Variants in RALGAPA2 observed in about 807,000 individuals in gnomAD.
The protein encoded by RALGAPA2 is Ral GTPase activating protein catalytic subunit alpha 2, also known as ral GTPase-activating protein subunit alpha-2.
RALGAPA2 carries 139 observed loss-of-function variants against 230.4 expected under a neutral mutation model. The observed-to-expected ratio is 0.60, with a 90% confidence interval of 0.53 to 0.69. The LOEUF is 0.69. RALGAPA2 is among the 30% of genes least tolerant of loss of function. The pLI, the probability that RALGAPA2 is intolerant of heterozygous loss-of-function variation, is 0.00. For synonymous variants in RALGAPA2, 847 were observed against 837.8 expected (o/e 1.01, Z -0.19); for missense variants, 2,163 against 2,276.0 (o/e 0.95, Z 1.01).
intron 1 of RALGAPA2, among the ~76,000 whole-genome samples, chr20:20,701,465 G>A (rs1017758932): frequency 5.3e-5 from 8 of 152,200 alleles, no homozygotes; most frequent in South Asian, 2.1e-4. Context: ...TGGGCCGGGC[G>A]CGGTGGCTCA....
At chr20:20,686,634 G>C (rs1332887225) in intron 1 of RALGAPA2, among the ~76,000 whole-genome samples, 7 of 152,048 alleles carry the variant, frequency 4.6e-5, no homozygotes, top group Non-Finnish European at 7.4e-5. Context: ...GCTTCAGTCA[G>C]CATTATAGAA....
chr20:20,439,612 G>C (rs1449992725), intron 37 of RALGAPA2, among the ~76,000 whole-genome samples: 1 of 152,184 alleles, frequency 6.6e-6, no homozygotes, highest in African/African-American at 2.4e-5. Context: ...ACCGATCCTG[G>C]GGGAGTGGGC....
At chr20:20,545,640 T>C (rs2063757571) in intron 24 of RALGAPA2, among the ~76,000 whole-genome samples, 2 of 152,214 alleles carry the variant, frequency 1.3e-5, no homozygotes, top group East Asian at 1.9e-4. Context: ...GCTTAGCAAA[T>C]AGTAAAGCTA....
chr20:20,528,652 C>T (rs1190100099), intron 27 of RALGAPA2, among the ~76,000 whole-genome samples: 2 of 152,134 alleles, frequency 1.3e-5, no homozygotes, highest in Non-Finnish European at 2.9e-5. Flanking sequence ...CCCATGCCTG[C>T]CATCCATCTG....
chr20:20,641,473 CT>C (rs1568690525), intron 5 of RALGAPA2, among the ~76,000 whole-genome samples: 5 of 152,114 alleles, frequency 3.3e-5, no homozygotes, highest in African/African-American at 1.2e-4. Flanking sequence ...CTTCTTATAC[CT>C]TATGTCCCTA....
intron 37 of RALGAPA2, among the ~76,000 whole-genome samples, chr20:20,441,955 T>C (rs1446111270): frequency 6.6e-6 from 1 of 152,250 alleles, no homozygotes. Flanking sequence ...TTTACTGTTT[T>C]TCAGAAATGA....
intron 3 of RALGAPA2, among the ~76,000 whole-genome samples, chr20:20,664,761 G>C (rs2067903237): frequency 6.6e-6 from 1 of 152,190 alleles, no homozygotes; most frequent in African/African-American, 2.4e-5. Flanking sequence ...CAAAACCCCA[G>C]TGAGATGCCA....
chr20:20,500,471 T>C (rs1230680102), intron 35 of RALGAPA2, among the ~76,000 whole-genome samples: 4 of 152,244 alleles, frequency 2.6e-5, no homozygotes, highest in Non-Finnish European at 5.9e-5. Context: ...TGCTTATCCA[T>C]AAGAAGCAAC....
intron 37 of RALGAPA2, among the ~76,000 whole-genome samples, chr20:20,465,940 A>G (rs1156594564): frequency 1.3e-5 from 2 of 152,372 alleles, no homozygotes; most frequent in African/African-American, 4.8e-5. Context: ...AAACTCCAGT[A>G]TCTGCAAGGG....
intron 20 of RALGAPA2, among the ~76,000 whole-genome samples, chr20:20,573,306 C>T (rs1265497373): frequency 6.6e-6 from 1 of 152,054 alleles, no homozygotes; most frequent in African/African-American, 2.4e-5. Context: ...CCTGGAGACC[C>T]TGTGATGGGT....
chr20:20,405,835 T>C (rs933807455), intron 38 of RALGAPA2, among the ~76,000 whole-genome samples: 1 of 152,176 alleles, frequency 6.6e-6, no homozygotes, highest in Admixed American at 6.5e-5. Context: ...ATTACGAGTG[T>C]TTGCTCTGCA....
At chr20:20,618,363 G>A (rs1371483273) in intron 12 of RALGAPA2, among the ~76,000 whole-genome samples, 1 of 152,088 alleles carries the variant, frequency 6.6e-6, no homozygotes, top group Non-Finnish European at 1.5e-5. Context: ...AGTCTTTAAA[G>A]ATGCACATGT....
intron 10 of RALGAPA2, among the ~76,000 whole-genome samples, chr20:20,628,293 A>G (rs1465761915): frequency 1.3e-5 from 2 of 152,186 alleles, no homozygotes; most frequent in African/African-American, 4.8e-5. Flanking sequence ...CATTCCCGTC[A>G]TTCATATGTC....
At chr20:20,570,663 C>T (rs986822231) in intron 23 of RALGAPA2, among the ~76,000 whole-genome samples, 2 of 152,156 alleles carry the variant, frequency 1.3e-5, no homozygotes, top group Non-Finnish European at 2.9e-5. Context: ...GTATTAAACA[C>T]TTCCTAATTG....
At chr20:20,396,569 G>T in intron 39 of RALGAPA2, 126 bp downstream of exon 39, 1 of 841,276 alleles carries the variant, frequency 1.2e-6, no homozygotes, top group Non-Finnish European at 1.8e-6. Flanking sequence ...CCCCCGGGGA[G>T]GGGAAGGCCC....
chr20:20,397,973 TCTGGGCTGCTG>T (rs1022461712), intron 38 of RALGAPA2, among the ~76,000 whole-genome samples: 72 of 152,288 alleles, frequency 4.7e-4, no homozygotes, highest in African/African-American at 1.7e-3. Context: ...CACAAGAGGT[TCTGGGCTGCTG>T]CTGACTGTTG....
chr20:20,502,216 A>G (rs1164365830), intron 35 of RALGAPA2, among the ~76,000 whole-genome samples: 1 of 152,236 alleles, frequency 6.6e-6, no homozygotes, highest in Non-Finnish European at 1.5e-5. Context: ...GTGCTGCACA[A>G]TGAAACAAGG....
intron 10 of RALGAPA2, among the ~76,000 whole-genome samples, chr20:20,626,443 A>G: frequency 6.6e-6 from 1 of 152,252 alleles, no homozygotes; most frequent in East Asian, 1.9e-4. Flanking sequence ...GATGTCTCAT[A>G]ACTTCAGTCA....
At chr20:20,686,956 G>A (rs1478967952) in intron 1 of RALGAPA2, among the ~76,000 whole-genome samples, 1 of 152,020 alleles carries the variant, frequency 6.6e-6, no homozygotes, top group Non-Finnish European at 1.5e-5. Context: ...CCTCTAATAG[G>A]GAATGACCCC....
Sources: gnomAD v4.1 joint callset for allele counts (sites outside exome capture counted in the v4.1 genomes callset) on GRCh38, gnomAD v4.1.1 for gene constraint, MANE v1.5 for transcripts, NCBI Gene and HGNC (gene_info 2026-07-23, HGNC 2026-07-21) for gene names.